MAPK10: variants seen among roughly 807,000 people sequenced by gnomAD.
MAPK10 encodes mitogen-activated protein kinase 10, also known as JNK3 alpha protein kinase.
In MAPK10, 25 loss-of-function variants were observed where a neutral mutation model predicts 59.3. The ratio of observed to expected loss-of-function variants is 0.42; its 90% CI spans 0.31 to 0.59. MAPK10 has a LOEUF of 0.59. Among genes scored for constraint, MAPK10 ranks in the 20% least tolerant of loss-of-function variants. The probability of loss-of-function intolerance (pLI) is 0.15; values close to 1 mark genes in which losing one functional copy is unlikely to be tolerated. For missense variants in MAPK10, 351 were observed against 568.9 expected (o/e 0.62, Z 3.90); for synonymous variants, 190 against 200.5 (o/e 0.95, Z 0.44).
At chr4:86,536,906 A>G (rs576466707) in intron 1 of MAPK10, among the ~76,000 whole-genome samples, 1 of 152,260 alleles carries the variant, frequency 6.6e-6, no homozygotes, top group South Asian at 2.1e-4. Flanking sequence ...CAGCAGAGAC[A>G]AGTAGGATAG....
intron 1 of MAPK10, among the ~76,000 whole-genome samples, chr4:86,366,253 T>C (rs1737878021): frequency 6.6e-6 from 1 of 152,082 alleles, no homozygotes; most frequent in Non-Finnish European, 1.5e-5. Flanking sequence ...AGGCAAACAG[T>C]CAAGGACCAT....
chr4:86,070,355 T>C (rs917235947), intron 9 of MAPK10, among the ~76,000 whole-genome samples: 1 of 152,144 alleles, frequency 6.6e-6, no homozygotes, highest in Non-Finnish European at 1.5e-5. Flanking sequence ...TTTCTTTTTT[T>C]TTTTGTAGCA....
chr4:86,220,942 A>T (rs1276911787), intron 2 of MAPK10, among the ~76,000 whole-genome samples: 1 of 152,204 alleles, frequency 6.6e-6, no homozygotes, highest in East Asian at 1.9e-4. Flanking sequence ...TTGACTAATG[A>T]CAGAGAATTA....
At chr4:86,452,722 G>T (rs1446619364) in intron 1 of MAPK10, among the ~76,000 whole-genome samples, 1 of 152,164 alleles carries the variant, frequency 6.6e-6, no homozygotes, top group Non-Finnish European at 1.5e-5. Context: ...AATTTTAAAA[G>T]CTAGTTGCAA....
At chr4:86,339,660 T>C (rs6531922) in intron 2 of MAPK10, among the ~76,000 whole-genome samples, 111,180 of 152,048 alleles carry the variant, frequency 0.73, 41,242 homozygotes, top group South Asian at 0.9. Flanking sequence ...GTTGCTTAAC[T>C]TCTCTGTGCC....
chr4:86,567,133 A>G (rs753930282), intron 1 of MAPK10, among the ~76,000 whole-genome samples: 3 of 152,202 alleles, frequency 2.0e-5, no homozygotes, highest in Non-Finnish European at 4.4e-5. Context: ...TGCATTTTAA[A>G]ATTACTTAGA....
intron 2 of MAPK10, among the ~76,000 whole-genome samples, chr4:86,250,245 G>C: frequency 6.6e-6 from 1 of 152,138 alleles, no homozygotes; most frequent in Non-Finnish European, 1.5e-5. Context: ...TCTTGGGCAA[G>C]AAAGGGTTTT....
chr4:86,117,301 C>T (rs1179841589), intron 4 of MAPK10, among the ~76,000 whole-genome samples: 1 of 152,166 alleles, frequency 6.6e-6, no homozygotes, highest in Non-Finnish European at 1.5e-5. Context: ...CCATACAGTT[C>T]TCTGGCTTAC....
chr4:86,219,998 A>G (rs2089054691), intron 2 of MAPK10: 1 of 152,168 alleles, frequency 6.6e-6, no homozygotes, highest in African/African-American at 2.4e-5. Context: ...AACTGCACAC[A>G]CTTTTGCCAA....
intron 13 of MAPK10, 161 bp downstream of exon 13, chr4:86,029,036 A>G: frequency 1.4e-6 from 1 of 719,602 alleles, no homozygotes; most frequent in Admixed American, 1.9e-5. Context: ...GCCACACTGA[A>G]TATCAAAAGA....
chr4:86,034,928 G>C (rs1225677725), intron 11 of MAPK10, among the ~76,000 whole-genome samples: 1 of 152,120 alleles, frequency 6.6e-6, no homozygotes, highest in Non-Finnish European at 1.5e-5. Flanking sequence ...TAGTGGTAGT[G>C]GTGGTGCATG....
rs559176662 is a variant in MAPK10, at chr4:86,464,996, A to C, written c.-262-110352T>G. The stretch of plus-strand genomic sequence containing the variant: ...TTAATGTCTCTGGTCTCAAACACAG[A>C]TACAGCATTATCTGGAAAGAAGCTA... On this transcript the variant is annotated intron_variant, in intron 1 of 4. Transcript: ENST00000502302. 2.0e-5 allele frequency among the ~76,000 whole-genome samples: 3 copies of C among 152,330 alleles called. No homozygotes were observed. In the South Asian group the frequency reaches 6.2e-4, roughly 32 times the overall value.
chr4:86,080,285 G>A (rs1251037928), intron 9 of MAPK10: 3 of 151,404 alleles, frequency 2.0e-5, no homozygotes, highest in South Asian at 4.2e-4. Flanking sequence ...TAGTCTCGTA[G>A]TAGAGAAACA....
intron 1 of MAPK10, among the ~76,000 whole-genome samples, chr4:86,523,821 A>G (rs574885601): frequency 3.3e-5 from 5 of 152,184 alleles, no homozygotes; most frequent in African/African-American, 1.2e-4. Flanking sequence ...CATCTGGCAA[A>G]TTCAAAAATG....
At chr4:86,522,624 G>A (rs962840492) in intron 1 of MAPK10, among the ~76,000 whole-genome samples, 8 of 151,896 alleles carry the variant, frequency 5.3e-5, no homozygotes, top group South Asian at 2.1e-4. Flanking sequence ...CTCTTATTTC[G>A]TTGGTTCTGG....
chr4:86,220,997 T>C (rs189437691), intron 2 of MAPK10, among the ~76,000 whole-genome samples: 5 of 150,200 alleles, frequency 3.3e-5, no homozygotes, highest in Admixed American at 3.3e-4. Flanking sequence ...TGAACATCTT[T>C]TGGTACGTTC....
intron 11 of MAPK10, among the ~76,000 whole-genome samples, chr4:86,053,773 A>G (rs116700943): frequency 2.5e-4 from 38 of 152,294 alleles, no homozygotes; most frequent in African/African-American, 8.9e-4. Context: ...TAAGAAAATA[A>G]AATACACTCT....
chr4:86,455,974 G>A (rs1238148082), upstream of MAPK10, among the ~76,000 whole-genome samples: 2 of 152,082 alleles, frequency 1.3e-5, no homozygotes, highest in East Asian at 1.9e-4. Flanking sequence ...GACCAGAGTG[G>A]AATAAAACTG....
intron 1 of MAPK10, among the ~76,000 whole-genome samples, chr4:86,577,516 T>C (rs1761989728): frequency 6.6e-6 from 1 of 152,018 alleles, no homozygotes. Flanking sequence ...AGTAGGAGAA[T>C]GCAAAGCTCT....
Sources: gnomAD v4.1 joint callset for allele counts (sites outside exome capture counted in the v4.1 genomes callset) on GRCh38, gnomAD v4.1.1 for gene constraint, MANE v1.5 for transcripts, NCBI Gene and HGNC (gene_info 2026-07-23, HGNC 2026-07-21) for gene names.